Variants in SCN7A observed in about 807,000 individuals in gnomAD.
SCN7A encodes the protein sodium channel protein type 7 subunit alpha.
Under a neutral mutation model 155.2 loss-of-function variants are expected in SCN7A, and 138 were observed. The ratio of observed to expected loss-of-function variants is 0.89; its 90% confidence interval spans 0.77 to 1.02. SCN7A has a LOEUF of 1.02. SCN7A is among the 50% of genes least tolerant of loss of function. SCN7A has a pLI of 0.00. For synonymous variants in SCN7A, 693 were observed against 649.0 expected (o/e 1.07, Z -1.03); for missense variants, 2,058 against 1,986.6 (o/e 1.04, Z -0.68).
intron 15 of SCN7A, among the ~76,000 whole-genome samples, chr2:166,436,933 C>G (rs142582042): frequency 3.3e-5 from 5 of 152,068 alleles, no homozygotes; most frequent in African/African-American, 1.2e-4. Context: ...GTTCAAGAAG[C>G]AGAGCATAAA....
intron 7 of SCN7A, among the ~76,000 whole-genome samples, chr2:166,467,179 G>C (rs898760888): frequency 1.3e-5 from 2 of 151,678 alleles, no homozygotes; most frequent in Non-Finnish European, 2.9e-5. Context: ...TAGTTTTCGA[G>C]AGATGTTGAA....
rs543958950 is a variant in SCN7A at position 166,441,538 on chromosome 2, T to C, written c.2015A>G (p.His672Arg). 169 of 1,614,124 alleles carry C rather than the reference T, an allele frequency of 1.0e-4. No homozygotes were observed. The highest frequency in any genetic ancestry group is 2.9e-4 in the South Asian group (26 of 91,086). ...KDCQLPRWHM[H>R]DFFHSFLNVF... ...ATTCAGGAAGGAGTGGAAAAAGTCA[T>C]GCATGTGCCAGCGTGGGAGTTGACA... is the stretch of plus-strand genomic sequence containing the variant. The change falls in exon 15 of 26, where the codon CAT becomes CGT. Residue 672 changes from histidine (H) to arginine (R), a missense_variant. Coordinates refer to ENST00000643258, the MANE Select transcript of SCN7A (RefSeq NM_002976.4).
chr2:166,435,420 G>A (rs555004002), intron 15 of SCN7A, among the ~76,000 whole-genome samples: 18 of 75,132 alleles, frequency 2.4e-4, no homozygotes, highest in South Asian at 8.8e-4. Context: ...TTATTTTTGC[G>A]TTGAGAGAAA....
At chr2:166,468,602 C>T (rs1040897899) in intron 7 of SCN7A, among the ~76,000 whole-genome samples, 3 of 151,988 alleles carry the variant, frequency 2.0e-5, no homozygotes, top group Non-Finnish European at 4.4e-5. Flanking sequence ...GCAATCCATT[C>T]TGTGTCGAAA....
chr2:166,409,475 G>T (rs2105361407), intron 25 of SCN7A, among the ~76,000 whole-genome samples, 190 bp downstream of exon 25: 1 of 151,838 alleles, frequency 6.6e-6, no homozygotes, highest in Admixed American at 6.6e-5. Flanking sequence ...ATTAGGCATG[G>T]GTGGTACACA....
intron 15 of SCN7A, among the ~76,000 whole-genome samples, chr2:166,438,524 A>C (rs1347120286): frequency 6.6e-6 from 1 of 152,162 alleles, no homozygotes; most frequent in Non-Finnish European, 1.5e-5. Flanking sequence ...ACTATTTAAA[A>C]ACCAATTCAT....
chr2:166,418,333 T>C (rs1013128826), intron 20 of SCN7A, among the ~76,000 whole-genome samples: 3 of 141,716 alleles, frequency 2.1e-5, no homozygotes, highest in Non-Finnish European at 3.0e-5. Flanking sequence ...GGTTTCACCA[T>C]GTTGGTCAGG....
chr2:166,465,352 G>T, intron 9 of SCN7A, 110 bp downstream of exon 9: 1 of 783,428 alleles, frequency 1.3e-6, no homozygotes, highest in South Asian at 1.8e-5. Flanking sequence ...TTTTGATGAT[G>T]AAATGAGATA....
chr2:166,465,931 T>A lies in SCN7A; in HGVS notation c.721A>T (p.Ile241Phe). 6.2e-7 allele frequency: 1 copy of A among 1,613,626 alleles called. No individual in the cohort carries two copies. The highest frequency in any genetic ancestry group is 8.5e-7 in the Non-Finnish European group (1 of 1,179,748). The change falls in exon 8 of 26, where the codon ATT (isoleucine) becomes TTT (phenylalanine). Residue 241 changes from isoleucine (I) to phenylalanine (F), a missense_variant. Transcript: ENST00000643258. ...IHCLKQLIGV[I>F]ILTLFFLSIF... ...CTCAGAAAAAACAGAGTTAGGATAA[T>A]GACACCAATAAGCTGCTTCAAGCAG... is the stretch of plus-strand genomic sequence containing the variant.
chr2:166,471,124 T>A (rs918335845), intron 6 of SCN7A, among the ~76,000 whole-genome samples: 1 of 151,804 alleles, frequency 6.6e-6, no homozygotes, highest in Non-Finnish European at 1.5e-5. Flanking sequence ...AGAATAAAGA[T>A]GAAGAGAGGA....
chr2:166,465,418 G>T (rs1228166960), intron 9 of SCN7A, 44 bp downstream of exon 9: 2 of 1,283,526 alleles, frequency 1.6e-6, no homozygotes, highest in Non-Finnish European at 2.2e-6. Flanking sequence ...AAATACTATT[G>T]ACAGGTGATA....
chr2:166,418,014 A>C (rs1216920607), intron 20 of SCN7A, among the ~76,000 whole-genome samples: 2 of 151,830 alleles, frequency 1.3e-5, no homozygotes, highest in Admixed American at 6.6e-5. Context: ...TTATTACTCC[A>C]CTGAAGCTGC....
At chr2:166,426,960 G>A (rs888988283) in intron 18 of SCN7A, among the ~76,000 whole-genome samples, 4 of 152,172 alleles carry the variant, frequency 2.6e-5, no homozygotes, top group Admixed American at 2.6e-4. Context: ...GATCTTGTAT[G>A]TAAGAATTCT....
intron 12 of SCN7A, among the ~76,000 whole-genome samples, chr2:166,445,842 TG>T (rs1702052435): frequency 1.3e-5 from 2 of 152,108 alleles, no homozygotes; most frequent in Admixed American, 1.3e-4. Context: ...AAACAGAAAC[TG>T]GACCCCATCC....
At chr2:166,428,654 AT>A in intron 17 of SCN7A, among the ~76,000 whole-genome samples, 1 of 152,008 alleles carries the variant, frequency 6.6e-6, no homozygotes, top group South Asian at 2.1e-4. Context: ...TTATTTTGGA[AT>A]TTTGTCTTGT....
At chr2:166,445,807 G>A (rs1330710045) in intron 12 of SCN7A, among the ~76,000 whole-genome samples, 1 of 151,912 alleles carries the variant, frequency 6.6e-6, no homozygotes, top group Non-Finnish European at 1.5e-5. Flanking sequence ...AATGATGCTG[G>A]GAAAACTGGC....
intron 10 of SCN7A, among the ~76,000 whole-genome samples, chr2:166,459,899 T>C (rs1702364750): frequency 6.6e-6 from 1 of 152,006 alleles, no homozygotes. Flanking sequence ...CACCACATAT[T>C]CTCACTCATA....
chr2:166,474,757 T>C (rs535789214), intron 3 of SCN7A, among the ~76,000 whole-genome samples: 2 of 151,804 alleles, frequency 1.3e-5, no homozygotes, highest in East Asian at 3.9e-4. Context: ...GCAAATCAAA[T>C]GTGGGATTAG....
intron 25 of SCN7A, 29 bp from the exon 26 acceptor site, chr2:166,406,675 T>G (rs1168149397): frequency 7.1e-7 from 1 of 1,415,114 alleles, no homozygotes; most frequent in Non-Finnish European, 9.7e-7. Context: ...AAGCAGGCTA[T>G]ACATTATTCA....
Sources: gnomAD v4.1 joint callset for allele counts (sites outside exome capture counted in the v4.1 genomes callset) on GRCh38, gnomAD v4.1.1 for gene constraint, MANE v1.5 for transcripts, NCBI Gene and HGNC (gene_info 2026-07-23, HGNC 2026-07-21) for gene names.